Variants in NRG1 observed in about 807,000 individuals in gnomAD.
NRG1 encodes the protein pro-neuregulin-1, membrane-bound isoform.
A neutral mutation model predicts 63.8 loss-of-function variants in NRG1; 18 were observed. The observed-to-expected ratio is 0.28, with a 90% confidence interval of 0.19 to 0.42. The LOEUF is 0.42. Ranked by LOEUF, NRG1 falls within the 10% of genes least tolerant of loss-of-function variation. The pLI is 1.00. For synonymous variants in NRG1, 302 were observed against 301.3 expected, an observed-to-expected ratio of 1.00 and a Z score of -0.02; for missense variants, 762 against 814.7, an observed-to-expected ratio of 0.94 and a Z score of 0.79.
intron 5 of NRG1, among the ~76,000 whole-genome samples, chr8:32,702,228 T>TA (rs1273692633): frequency 2.6e-5 from 4 of 152,186 alleles, no homozygotes; most frequent in Non-Finnish European, 5.9e-5. Flanking sequence ...TGCCCACATC[T>TA]AAAAAATGAC....
intron 5 of NRG1, among the ~76,000 whole-genome samples, chr8:32,627,099 C>T (rs551192008): frequency 6.6e-6 from 1 of 151,976 alleles, no homozygotes; most frequent in African/African-American, 2.4e-5. Flanking sequence ...TGTTGTCTGT[C>T]TCCTAAAATA....
At chr8:32,336,044 G>C (rs1803223506) in intron 1 of NRG1, among the ~76,000 whole-genome samples, 1 of 152,042 alleles carries the variant, frequency 6.6e-6, no homozygotes, top group South Asian at 2.1e-4. Flanking sequence ...TGTACCCAAA[G>C]GACGCTATTA....
intron 1 of NRG1, among the ~76,000 whole-genome samples, chr8:31,854,221 G>A (rs1448880714): frequency 5.3e-5 from 8 of 151,532 alleles, no homozygotes; most frequent in African/African-American, 7.2e-5. Flanking sequence ...GGTAGAATTC[G>A]GCTGTGAATC....
At chr8:32,461,131 T>C (rs1194412451) in intron 1 of NRG1, among the ~76,000 whole-genome samples, 3 of 152,154 alleles carry the variant, frequency 2.0e-5, no homozygotes, top group Non-Finnish European at 4.4e-5. Context: ...TGGCTCCTAC[T>C]CTTCCAATGG....
chr8:32,298,767 G>C (rs1322864919), intron 1 of NRG1, among the ~76,000 whole-genome samples: 1 of 148,568 alleles, frequency 6.7e-6, no homozygotes, highest in African/African-American at 2.5e-5. Flanking sequence ...GGGGGCTCAC[G>C]CCTGTAATCC....
intron 5 of NRG1, among the ~76,000 whole-genome samples, chr8:32,694,271 G>A (rs994397192): frequency 1.3e-5 from 2 of 152,158 alleles, no homozygotes; most frequent in African/African-American, 4.8e-5. Context: ...AGCCTAGATT[G>A]CAGATGTTCA....
intron 1 of NRG1, among the ~76,000 whole-genome samples, chr8:31,786,537 C>T (rs921727217): frequency 5.3e-5 from 8 of 152,144 alleles, no homozygotes; most frequent in Admixed American, 3.9e-4. Flanking sequence ...AGACTGTTTC[C>T]TCCCCTCACT....
intron 1 of NRG1, among the ~76,000 whole-genome samples, chr8:32,331,532 TA>T (rs1184691381): frequency 6.6e-6 from 1 of 151,908 alleles, no homozygotes; most frequent in Non-Finnish European, 1.5e-5. Flanking sequence ...TCTTGTCTCT[TA>T]AAAAAACAAA....
intron 1 of NRG1, among the ~76,000 whole-genome samples, chr8:31,874,087 G>A (rs1474648222): frequency 6.6e-6 from 1 of 152,138 alleles, no homozygotes; most frequent in Admixed American, 6.5e-5. Flanking sequence ...TAATTGAATC[G>A]TGTCTGCGTT....
chr8:31,719,507 G>A (rs1427914241), intron 1 of NRG1, among the ~76,000 whole-genome samples: 1 of 152,084 alleles, frequency 6.6e-6, no homozygotes, highest in Non-Finnish European at 1.5e-5. Flanking sequence ...ATTAAGTCCC[G>A]AAGTTAGGGG....
chr8:31,998,306 A>G (rs1291158161), intron 1 of NRG1, among the ~76,000 whole-genome samples: 3 of 152,134 alleles, frequency 2.0e-5, no homozygotes, highest in African/African-American at 7.2e-5. Context: ...ATATTACTGA[A>G]CATTTTTTAT....
At chr8:32,548,571 G>A (rs548361366) in exon 1 of NRG1, 2 of 1,294,950 alleles carry the variant, frequency 1.5e-6, no homozygotes, top group South Asian at 4.8e-5. Context: ...GCTCCCTGCA[G>A]GCAACGGGAG....
chr8:32,668,012 A>C (rs1184368145), intron 5 of NRG1, among the ~76,000 whole-genome samples: 2 of 152,108 alleles, frequency 1.3e-5, no homozygotes, highest in East Asian at 3.9e-4. Flanking sequence ...CAGGAGTTGG[A>C]GACCAGCCTG....
chr8:31,641,407 C>A (rs1803772819), intron 1 of NRG1, among the ~76,000 whole-genome samples: 1 of 151,756 alleles, frequency 6.6e-6, no homozygotes, highest in Admixed American at 6.6e-5. Context: ...TGTTTTTGCA[C>A]TTCACTGCAT....
At position 31,819,096 on chromosome 8, in the gene NRG1, G is replaced by C. The variant is rs574340019; in HGVS notation, c.37+179665G>C. Among the ~76,000 whole-genome samples, 60 of 152,096 alleles carry C rather than the reference G, an allele frequency of 3.9e-4. 1 individual carries two copies. Among genetic ancestry groups the C allele is most frequent in the African/African-American group, 1.3e-3 (53 of 41,504 alleles). On this transcript the variant is annotated intron_variant, in intron 1 of 10. Transcript: ENST00000519301. ...AAAACTTAAAGAGTTATTTGAGCCGGACACAGTTGCATAGACCTGTAGTCC... is the reference window on the plus strand; with the variant it reads ...AAAACTTAAAGAGTTATTTGAGCCGCACACAGTTGCATAGACCTGTAGTCC...
At chr8:32,200,560 C>T (rs1843401422) in intron 1 of NRG1, among the ~76,000 whole-genome samples, 2 of 152,132 alleles carry the variant, frequency 1.3e-5, no homozygotes, top group Non-Finnish European at 2.9e-5. Context: ...CTCAACTGTC[C>T]CTTTGTATTT....
chr8:32,606,618 C>A (rs1025345331), intron 3 of NRG1, among the ~76,000 whole-genome samples: 4 of 152,046 alleles, frequency 2.6e-5, no homozygotes, highest in Non-Finnish European at 4.4e-5. Flanking sequence ...CTTCTTTAAA[C>A]CTTTTAGAAT....
At chr8:31,667,517 A>C (rs60806417) in intron 1 of NRG1, among the ~76,000 whole-genome samples, 38,645 of 152,074 alleles carry the variant, frequency 0.25, 5,517 homozygotes, top group East Asian at 0.61. Context: ...GGGCAAGTAC[A>C]TGCAGGGGTA....
At chr8:31,981,252 G>A (rs992167534) in intron 1 of NRG1, among the ~76,000 whole-genome samples, 4 of 151,962 alleles carry the variant, frequency 2.6e-5, no homozygotes, top group African/African-American at 7.2e-5. Context: ...ACAATGTATA[G>A]CCAATCGATA....
Sources: allele counts gnomAD v4.1 joint callset (sites outside exome capture counted in the v4.1 genomes callset), GRCh38; gene constraint gnomAD v4.1.1; transcripts MANE v1.5; gene names NCBI Gene and HGNC (gene_info 2026-07-23, HGNC 2026-07-21).